RSF1: variants seen among roughly 807,000 people sequenced by gnomAD.
RSF1 encodes the protein remodeling and spacing factor 1, also known as HBV pX-associated protein 8.
In RSF1, 13 loss-of-function variants were observed where a neutral mutation model predicts 145.2. The ratio of observed to expected loss-of-function variants is 0.09; its 90% CI spans 0.06 to 0.14. The LOEUF (loss-of-function observed/expected upper bound fraction) is 0.14, where lower values mean the gene tolerates loss of function less well. Ranked by LOEUF, RSF1 falls within the 10% of genes least tolerant of loss-of-function variation. RSF1 has a pLI of 1.00. For missense variants in RSF1, 1,517 were observed against 1,718.2 expected (o/e 0.88, Z 2.07); for synonymous variants, 577 against 592.6 (o/e 0.97, Z 0.38).
chr11:77,815,956 CTCA>C (rs751101988), intron 1 of RSF1, among the ~76,000 whole-genome samples: 11 of 152,274 alleles, frequency 7.2e-5, no homozygotes, highest in Non-Finnish European at 1.3e-4. Context: ...CATTAACAGG[CTCA>C]TGTTAGCCAG....
In RSF1 at chr11:77,798,622, A is replaced by G. The variant is rs12798094; in HGVS notation, c.187+21906T>C. ...AAAAAAAAAAAAAAAAAAAAAAAAA[A>G]GGCACATATACACCATGGAATACTA... On this transcript the variant is annotated intron_variant, in intron 1 of 15. Coordinates refer to ENST00000308488, the MANE Select transcript of RSF1 (RefSeq NM_016578.4). Among the ~76,000 whole-genome samples, 218 of 132,382 alleles carry G rather than the reference A, an allele frequency of 1.6e-3. 2 individuals are homozygous for G. Among genetic ancestry groups the G allele is most frequent in the African/African-American group, 5.5e-3 (196 of 35,824 alleles). The allele number at this position is 132,382 out of a possible 152,430, so 86.8% of individuals were successfully genotyped here.
chr11:77,812,759 G>A (rs775202911), intron 1 of RSF1, among the ~76,000 whole-genome samples: 8 of 151,824 alleles, frequency 5.3e-5, no homozygotes, highest in East Asian at 3.9e-4. Context: ...GCGTGGTGGC[G>A]GGCACCTGTA....
At chr11:77,832,434 C>T in the RSF1 span, among the ~76,000 whole-genome samples, 331 of 151,656 alleles carry the variant, frequency 2.2e-3, 1 homozygote, top group African/African-American at 7.2e-3. Flanking sequence ...TCAAGCGATT[C>T]TTCTGCCTCA....
rs1045598039 is a variant in RSF1 at position 77,665,836 on chromosome 11, C to T, written c.*1081G>A. On this transcript the variant is annotated 3_prime_UTR_variant, in exon 16 of 16. Transcript: ENST00000308488. ...AACTAAAAACCTCCCAAAGGAACTGCTTTGTTTGTAGACTTCAATTTGAAG... is the reference window on the plus strand; with the variant it reads ...AACTAAAAACCTCCCAAAGGAACTGTTTTGTTTGTAGACTTCAATTTGAAG... The T allele has an allele frequency of 2.0e-5, 3 of 152,070 alleles. No individual in the cohort carries two copies. Among genetic ancestry groups the T allele is most frequent in the Non-Finnish European group, 4.4e-5 (3 of 68,028 alleles). 9.4% of individuals were successfully genotyped at this position (152,070 alleles called of 1,614,324 possible).
At chr11:77,728,064 A>G (rs1177244236) in intron 4 of RSF1, among the ~76,000 whole-genome samples, 2 of 152,100 alleles carry the variant, frequency 1.3e-5, no homozygotes, top group Non-Finnish European at 2.9e-5. Context: ...CCTAACAACA[A>G]TCCAGTTGTT....
At chr11:77,869,968 T>C in the RSF1 span, 8 of 635,418 alleles carry the variant, frequency 1.3e-5, no homozygotes, top group Non-Finnish European at 1.9e-5. Context: ...CACATTCCTC[T>C]GCCTCATCAG....
chr11:77,737,558 AC>A (rs904326234), intron 4 of RSF1, among the ~76,000 whole-genome samples: 1 of 151,904 alleles, frequency 6.6e-6, no homozygotes. Context: ...ATTGCCACAT[AC>A]ACCATTTTGT....
At chr11:77,760,657 AG>A (rs1948161929) in intron 2 of RSF1, among the ~76,000 whole-genome samples, 1 of 152,228 alleles carries the variant, frequency 6.6e-6, no homozygotes, top group South Asian at 2.1e-4. Flanking sequence ...ACAACAGTAA[AG>A]GAACATCTAG....
chr11:77,749,054 A>G (rs1282257838), intron 2 of RSF1, among the ~76,000 whole-genome samples: 1 of 152,230 alleles, frequency 6.6e-6, no homozygotes, highest in African/African-American at 2.4e-5. Context: ...AACCAGACAC[A>G]AAAGGCCACA....
chr11:77,770,887 G>C (rs982070495), intron 1 of RSF1, among the ~76,000 whole-genome samples: 8 of 152,152 alleles, frequency 5.3e-5, no homozygotes, highest in African/African-American at 1.4e-4. Flanking sequence ...GCCTCTATAA[G>C]ATGAAGTGAG....
At chr11:77,783,799 T>G (rs1443809832) in intron 1 of RSF1, among the ~76,000 whole-genome samples, 3 of 152,072 alleles carry the variant, frequency 2.0e-5, no homozygotes, top group African/African-American at 7.2e-5. Flanking sequence ...CCATGTTTAC[T>G]CCACTGCACT....
chr11:77,726,087 C>G (rs1961048622), intron 4 of RSF1, among the ~76,000 whole-genome samples: 1 of 152,126 alleles, frequency 6.6e-6, no homozygotes, highest in African/African-American at 2.4e-5. Context: ...GTTCTTGATT[C>G]ATTTGGAAAT....
At chr11:77,685,262 A>G (rs998836752) in intron 9 of RSF1, 103 bp from the exon 10 acceptor site, 12 of 593,166 alleles carry the variant, frequency 2.0e-5, no homozygotes, top group Non-Finnish European at 3.5e-5. Flanking sequence ...TTTCACGTTA[A>G]CAGCAGAGGG....
chr11:77,687,691 C>T (rs1960047036), intron 9 of RSF1, among the ~76,000 whole-genome samples: 1 of 151,994 alleles, frequency 6.6e-6, no homozygotes, highest in Non-Finnish European at 1.5e-5. Flanking sequence ...CAAAGCGAGA[C>T]TCTGTCTCCA....
rs1565191602 is a variant in RSF1, at chr11:77,820,601, G to C, written c.114C>G (p.Asp38Glu). Residue 38 changes from aspartate to glutamate, a missense_variant, in exon 1 of 16, where the codon GAC (aspartate) becomes GAG (glutamate). Asp to Glu is a conservative substitution (Grantham distance 45, BLOSUM62 2). Transcript: ENST00000308488. The part of the protein sequence containing the change: ...SFLERYGPLL[D>E]LPELPFPELE... ...GCTCAGGGAACGGCAACTCAGGCAG[G>C]TCTAGCAGCGGCCCGTAGCGCTCCA... is the stretch of plus-strand genomic sequence containing the variant. 1 of 1,567,196 alleles carries C rather than the reference G, an allele frequency of 6.4e-7. No individual in the cohort carries two copies. Among genetic ancestry groups the C allele is most frequent in the East Asian group, 2.3e-5 (1 of 42,714 alleles).
the RSF1 span, among the ~76,000 whole-genome samples, chr11:77,861,485 T>C: frequency 1.3e-5 from 2 of 152,212 alleles, no homozygotes; most frequent in East Asian, 3.9e-4. Context: ...CCCGGGGCTC[T>C]GTGAGGGTGA....
At chr11:77,704,467 G>C (rs1314844057) in intron 5 of RSF1, among the ~76,000 whole-genome samples, 1 of 152,170 alleles carries the variant, frequency 6.6e-6, no homozygotes. Context: ...AAGTTTCTCA[G>C]TTTCTTCAGA....
intron 3 of RSF1, among the ~76,000 whole-genome samples, chr11:77,744,950 C>T (rs1032849354): frequency 3.9e-5 from 6 of 152,142 alleles, no homozygotes. Context: ...TCTGATGGGA[C>T]ATTTTTTACT....
intron 15 of RSF1, 35 bp downstream of exon 15, chr11:77,672,007 T>C: frequency 6.4e-7 from 1 of 1,553,934 alleles, no homozygotes; most frequent in Non-Finnish European, 8.7e-7. Flanking sequence ...TTTTGCCCTG[T>C]CCAAACTTCT....
Sources: gnomAD v4.1 joint callset for allele counts (sites outside exome capture counted in the v4.1 genomes callset) on GRCh38, gnomAD v4.1.1 for gene constraint, MANE v1.5 for transcripts, NCBI Gene and HGNC (gene_info 2026-07-23, HGNC 2026-07-21) for gene names.